Variants in PRIM2 observed in about 807,000 individuals in gnomAD.
PRIM2 encodes the protein DNA primase subunit 2.
In PRIM2, 39 loss-of-function variants were observed where a neutral mutation model predicts 67.3. The ratio of observed to expected loss-of-function variants is 0.58; its 90% CI spans 0.45 to 0.76. The LOEUF is 0.76. PRIM2 is among the 30% of genes least tolerant of loss of function. PRIM2 has a pLI of 0.00. For synonymous variants in PRIM2, 143 were observed against 198.7 expected (o/e 0.72, Z 2.36); for missense variants, 398 against 598.7 (o/e 0.66, Z 3.50).
intron 7 of PRIM2, among the ~76,000 whole-genome samples, chr6:57,432,069 A>G (rs1346827041): frequency 2.0e-5 from 3 of 152,322 alleles, no homozygotes; most frequent in Admixed American, 6.5e-5. Context: ...GTAATATGTT[A>G]TCACCAATTT....
chr6:57,294,789 T>C, the PRIM2 span, among the ~76,000 whole-genome samples: 1 of 151,774 alleles, frequency 6.6e-6, no homozygotes, highest in Non-Finnish European at 1.5e-5. Context: ...TGATATAATA[T>C]TGCCATTTTT....
chr6:57,602,079 G>A (rs1776478670), intron 11 of PRIM2, among the ~76,000 whole-genome samples: 12 of 139,012 alleles, frequency 8.6e-5, no homozygotes, highest in Non-Finnish European at 1.1e-4. Flanking sequence ...TTTTTTTTGA[G>A]ACAGAGTTTC....
chr6:57,291,791 C>G, the PRIM2 span, among the ~76,000 whole-genome samples: 20 of 152,174 alleles, frequency 1.3e-4, no homozygotes, highest in Admixed American at 3.3e-4. Flanking sequence ...CGATAAAATT[C>G]AACAGCCCTT....
intron 10 of PRIM2, among the ~76,000 whole-genome samples, chr6:57,584,367 T>C (rs1425000308): frequency 1.1e-4 from 17 of 152,346 alleles, no homozygotes; most frequent in African/African-American, 3.4e-4. Flanking sequence ...TTTTGATCTA[T>C]TGACATCACT....
At chr6:57,320,582 A>G (rs1487253717) in intron 3 of PRIM2, 22 bp downstream of exon 3, 1 of 1,462,934 alleles carries the variant, frequency 6.8e-7, no homozygotes, top group African/African-American at 1.4e-5. Context: ...AGGAAAAAAA[A>G]GTTCCTTCAG....
intron 9 of PRIM2, among the ~76,000 whole-genome samples, chr6:57,535,155 A>T (rs1774978592): frequency 1.3e-5 from 2 of 152,056 alleles, no homozygotes; most frequent in Non-Finnish European, 2.9e-5. Flanking sequence ...GTGCCAAAAG[A>T]AATAGAAATT....
At chr6:57,264,454 C>G in the PRIM2 span, among the ~76,000 whole-genome samples, 1 of 152,092 alleles carries the variant, frequency 6.6e-6, no homozygotes, top group Admixed American at 6.6e-5. Context: ...GTCATCACTT[C>G]AAATACTCAA....
chr6:57,342,930 C>A (rs1271432983), intron 5 of PRIM2, among the ~76,000 whole-genome samples: 1 of 152,150 alleles, frequency 6.6e-6, no homozygotes, highest in Non-Finnish European at 1.5e-5. Context: ...TAGTTTAAAG[C>A]CTTAATTTCT....
intron 8 of PRIM2, among the ~76,000 whole-genome samples, chr6:57,514,937 G>A (rs1460749957): frequency 1.3e-5 from 2 of 152,138 alleles, no homozygotes; most frequent in Non-Finnish European, 2.9e-5. Flanking sequence ...GAGAGTGATA[G>A]GAAGTTTTAT....
At position 57,601,145 on chromosome 6, in the gene PRIM2, A is replaced by G. The variant is rs1461978963; in HGVS notation, c.1073A>G (p.Lys358Arg). Reference sequence around the variant, plus strand: ...CGTCACAGCTTTGGAAAGGAAGGCAAGAGGACAGACTATACACCTTTCAGT... The same window carrying G: ...CGTCACAGCTTTGGAAAGGAAGGCAGGAGGACAGACTATACACCTTTCAGT... ...NIRHSFGKEG[K>R]RTDYTPFSCL... The change falls in exon 11 of 14, where the codon AAG (lysine) becomes AGG (arginine). Residue 358 changes from lysine to arginine, a missense_variant. Lys to Arg is a conservative substitution (Grantham distance 26, BLOSUM62 2). Around this residue, in one of 4 missense-constraint regions of PRIM2, gnomAD observed 229 missense variants for 383.6 expected, o/e 0.60. Transcript: ENST00000615550. The G allele has an allele frequency of 1.2e-5, 20 of 1,612,916 alleles. No individual in the cohort carries two copies. The highest frequency in any genetic ancestry group is 1.6e-5 in the Non-Finnish European group (19 of 1,179,260).
intron 8 of PRIM2, among the ~76,000 whole-genome samples, chr6:57,531,493 A>G (rs1164175448): frequency 3.9e-5 from 6 of 152,108 alleles, no homozygotes; most frequent in Admixed American, 2.6e-4. Context: ...GTTTTTTGCT[A>G]TGTCACACCT....
At chr6:57,386,324 G>T (rs1218510058) in intron 7 of PRIM2, among the ~76,000 whole-genome samples, 23 of 150,750 alleles carry the variant, frequency 1.5e-4, no homozygotes, top group Non-Finnish European at 3.2e-4. Flanking sequence ...AGGCTGGGGT[G>T]GGGGGATCAC....
At chr6:57,375,838 A>C (rs1769745039) in intron 5 of PRIM2, among the ~76,000 whole-genome samples, 1 of 152,070 alleles carries the variant, frequency 6.6e-6, no homozygotes, top group South Asian at 2.1e-4. Context: ...TTGGGAGGCC[A>C]AGGTGGGAGA....
At chr6:57,315,201 A>G (rs1325426023), upstream of PRIM2, among the ~76,000 whole-genome samples, 1 of 152,228 alleles carries the variant, frequency 6.6e-6, no homozygotes, top group Admixed American at 6.5e-5. Context: ...GCTCATCCAA[A>G]GAAAGCTTAA....
intron 8 of PRIM2, among the ~76,000 whole-genome samples, chr6:57,513,978 A>C (rs1774425960): frequency 6.6e-6 from 1 of 152,210 alleles, no homozygotes; most frequent in South Asian, 2.1e-4. Context: ...AACAAAGATA[A>C]AGCAAGCTAA....
At chr6:57,277,311 G>A in the PRIM2 span, among the ~76,000 whole-genome samples, 3 of 152,308 alleles carry the variant, frequency 2.0e-5, no homozygotes, top group Admixed American at 2.0e-4. Flanking sequence ...CTGCCCTCAT[G>A]AGCTTAGGTG....
the PRIM2 span, among the ~76,000 whole-genome samples, chr6:57,300,357 A>C: frequency 6.6e-6 from 1 of 152,170 alleles, no homozygotes; most frequent in Non-Finnish European, 1.5e-5. Flanking sequence ...GATCTAGAAT[A>C]GAATAAACAC....
At chr6:57,323,055 A>C (rs897119103) in intron 3 of PRIM2, among the ~76,000 whole-genome samples, 1 of 151,914 alleles carries the variant, frequency 6.6e-6, no homozygotes, top group Non-Finnish European at 1.5e-5. Flanking sequence ...CTGTAAAATA[A>C]GATTATAGTA....
chr6:57,605,267 C>T (rs1240562505), intron 11 of PRIM2, among the ~76,000 whole-genome samples: 6 of 152,118 alleles, frequency 3.9e-5, no homozygotes, highest in African/African-American at 1.4e-4. Context: ...AGTTTGGTAT[C>T]AGGGTGATGC....
Sources: allele counts gnomAD v4.1 joint callset (sites outside exome capture counted in the v4.1 genomes callset), GRCh38; gene constraint gnomAD v4.1.1; regional missense constraint gnomAD v4.1.1; transcripts MANE v1.5; gene names NCBI Gene and HGNC (gene_info 2026-07-23, HGNC 2026-07-21).